KCNH1: variants seen among roughly 807,000 people sequenced by gnomAD.
KCNH1 encodes voltage-gated delayed rectifier potassium channel KCNH1.
Under a neutral mutation model 69.2 loss-of-function variants are expected in KCNH1, and 27 were observed. The observed-to-expected ratio is 0.39, with a 90% confidence interval of 0.29 to 0.54. The LOEUF (loss-of-function observed/expected upper bound fraction) is 0.54. Among genes scored for constraint, KCNH1 ranks in the 20% least tolerant of loss-of-function variants. The pLI is 0.68. For synonymous variants in KCNH1, 456 were observed against 487.7 expected, an observed-to-expected ratio of 0.93 and a Z score of 0.86; for missense variants, 798 against 1,261.6, an observed-to-expected ratio of 0.63 and a Z score of 5.57.
intron 5 of KCNH1, among the ~76,000 whole-genome samples, chr1:211,054,017 C>T (rs1051108148): frequency 3.3e-5 from 5 of 152,058 alleles, no homozygotes; most frequent in Non-Finnish European, 5.9e-5. Context: ...CACCTGTAAT[C>T]CCAGCACTTT....
chr1:210,760,383 C>A (rs1683491565), intron 10 of KCNH1, among the ~76,000 whole-genome samples: 1 of 152,160 alleles, frequency 6.6e-6, no homozygotes, highest in Non-Finnish European at 1.5e-5. Context: ...AGATTGGGGA[C>A]CATTTTTGGC....
At chr1:210,841,596 C>G (rs1052436050) in intron 7 of KCNH1, among the ~76,000 whole-genome samples, 1 of 152,126 alleles carries the variant, frequency 6.6e-6, no homozygotes, top group Non-Finnish European at 1.5e-5. Flanking sequence ...CTTTATAGGA[C>G]TTGGGACATG....
At chr1:210,900,898 C>A (rs1309956111) in intron 7 of KCNH1, among the ~76,000 whole-genome samples, 3 of 152,154 alleles carry the variant, frequency 2.0e-5, no homozygotes, top group African/African-American at 7.2e-5. Flanking sequence ...GTGTTATAGT[C>A]ACACACAGCT....
chr1:210,775,294 C>A, intron 10 of KCNH1, 54 bp downstream of exon 10: 1 of 1,489,800 alleles, frequency 6.7e-7, no homozygotes, highest in South Asian at 1.2e-5. Context: ...CAGTGATTAT[C>A]CAAAGTGTAC....
At chr1:210,879,585 C>G (rs1383200851) in intron 7 of KCNH1, among the ~76,000 whole-genome samples, 1 of 151,924 alleles carries the variant, frequency 6.6e-6, no homozygotes, top group Admixed American at 6.6e-5. Context: ...TCTCAGTAAA[C>G]TAGGAATACA....
At chr1:210,817,332 C>A (rs1263919519) in intron 7 of KCNH1, among the ~76,000 whole-genome samples, 1 of 152,056 alleles carries the variant, frequency 6.6e-6, no homozygotes, top group Non-Finnish European at 1.5e-5. Flanking sequence ...GCATAGAAGG[C>A]CCAAATATTT....
chr1:211,102,255 C>T (rs1691271126), intron 3 of KCNH1, among the ~76,000 whole-genome samples: 1 of 152,152 alleles, frequency 6.6e-6, no homozygotes, highest in African/African-American at 2.4e-5. Context: ...ACGTGGAAAA[C>T]TTTTAACTTA....
chr1:210,856,190 C>T (rs1239993029), intron 7 of KCNH1, among the ~76,000 whole-genome samples: 1 of 152,208 alleles, frequency 6.6e-6, no homozygotes, highest in Non-Finnish European at 1.5e-5. Context: ...TTTCACTGAA[C>T]TCATTCGTAA....
intron 10 of KCNH1, among the ~76,000 whole-genome samples, chr1:210,713,136 A>G (rs1023570004): frequency 6.6e-6 from 1 of 151,996 alleles, no homozygotes; most frequent in African/African-American, 2.4e-5. Flanking sequence ...AAAAACAACA[A>G]CATATTCAAA....
At chr1:210,853,329 C>G (rs1685750890) in intron 7 of KCNH1, among the ~76,000 whole-genome samples, 1 of 152,118 alleles carries the variant, frequency 6.6e-6, no homozygotes, top group Non-Finnish European at 1.5e-5. Flanking sequence ...TAACAGAAAG[C>G]CAGGTTTGGA....
At chr1:211,056,686 C>T (rs1372027544) in intron 5 of KCNH1, among the ~76,000 whole-genome samples, 2 of 152,012 alleles carry the variant, frequency 1.3e-5, no homozygotes, top group Non-Finnish European at 2.9e-5. Flanking sequence ...GCAGGTAGCT[C>T]GGCACAGAAA....
At chr1:211,077,346 G>T (rs192150177) in intron 5 of KCNH1, among the ~76,000 whole-genome samples, 342 of 152,156 alleles carry the variant, frequency 2.2e-3, no homozygotes, top group African/African-American at 7.8e-3. Context: ...AATGTTAAGG[G>T]CAGCCAGGTA....
intron 7 of KCNH1, among the ~76,000 whole-genome samples, chr1:210,865,322 C>A (rs976127133): frequency 1.3e-5 from 2 of 152,130 alleles, no homozygotes; most frequent in Non-Finnish European, 2.9e-5. Context: ...TATTACTCCA[C>A]GTTTTACCTG....
At chr1:210,920,627 T>C (rs1687439528) in intron 6 of KCNH1, among the ~76,000 whole-genome samples, 1 of 151,854 alleles carries the variant, frequency 6.6e-6, no homozygotes, top group African/African-American at 2.4e-5. Context: ...ATTTTTGTTA[T>C]ATTTACTTAA....
chr1:210,757,048 C>T (rs1683413522), intron 10 of KCNH1, among the ~76,000 whole-genome samples: 1 of 152,202 alleles, frequency 6.6e-6, no homozygotes, highest in Non-Finnish European at 1.5e-5. Context: ...AATCATCTTG[C>T]TTTTGTGCTG....
intron 1 of KCNH1, among the ~76,000 whole-genome samples, chr1:211,123,685 T>A (rs554309313): frequency 6.6e-6 from 1 of 151,748 alleles, no homozygotes; most frequent in Non-Finnish European, 1.5e-5. Context: ...TGAAGGGACA[T>A]AGGGCATGGG....
intron 5 of KCNH1, among the ~76,000 whole-genome samples, chr1:211,056,303 C>A (rs562852620): frequency 6.6e-6 from 1 of 152,108 alleles, no homozygotes; most frequent in South Asian, 2.1e-4. Flanking sequence ...GTGGTGGCTA[C>A]AAGCCTTGAG....
intron 10 of KCNH1, among the ~76,000 whole-genome samples, chr1:210,754,680 A>G (rs568974088): frequency 6.4e-4 from 97 of 152,176 alleles, no homozygotes; most frequent in Non-Finnish European, 1.2e-3. Flanking sequence ...CTGCCCAAGC[A>G]AAAGCTTCCT....
At chr1:210,877,068 T>TA (rs10673335) in intron 7 of KCNH1, among the ~76,000 whole-genome samples, 55,436 of 143,902 alleles carry the variant, frequency 0.39, 10,789 homozygotes, top group East Asian at 0.59. Context: ...TCCTCTGAAT[T>TA]AAAAAAAAAA....
Sources: gnomAD v4.1 joint callset for allele counts (sites outside exome capture counted in the v4.1 genomes callset) on GRCh38, gnomAD v4.1.1 for gene constraint, MANE v1.5 for transcripts, NCBI Gene and HGNC (gene_info 2026-07-23, HGNC 2026-07-21) for gene names.